The following PCDHGA1 variants were observed in gnomAD, a reference collection of about 807,000 sequenced individuals.
PCDHGA1 encodes protocadherin gamma-A1.
In PCDHGA1, 32 loss-of-function variants were observed where a neutral mutation model predicts 58.0. That is an observed-to-expected ratio of 0.55 (90% CI 0.42 to 0.74). The LOEUF (loss-of-function observed/expected upper bound fraction) is 0.74. Ranked by LOEUF, PCDHGA1 falls within the 30% of genes least tolerant of loss-of-function variation. The pLI, the probability that PCDHGA1 is intolerant of heterozygous loss-of-function variation, is 0.00. For missense variants in PCDHGA1, 1,205 were observed against 1,182.3 expected, an observed-to-expected ratio of 1.02 and a Z score of -0.28; for synonymous variants, 498 against 501.1, an observed-to-expected ratio of 0.99 and a Z score of 0.08.
intron 1 of PCDHGA1, chr5:141,382,985 G>C (rs769787880): frequency 1.2e-6 from 2 of 1,613,304 alleles, no homozygotes; most frequent in African/African-American, 2.7e-5. Context: ...GCCTGGGCAG[G>C]ACGTATTCTC....
intron 1 of PCDHGA1, chr5:141,411,432 AC>A (rs1483186233): frequency 6.6e-6 from 1 of 151,012 alleles, no homozygotes; most frequent in African/African-American, 2.4e-5. Context: ...ACAAAAAAAA[AC>A]ATTAGCAGAG....
chr5:141,469,711 T>C (rs894622720), intron 1 of PCDHGA1, among the ~76,000 whole-genome samples: 13 of 152,372 alleles, frequency 8.5e-5, no homozygotes, highest in African/African-American at 2.4e-4. Flanking sequence ...AATCACACTA[T>C]TAGGAATTTA....
At chr5:141,364,582 G>T (rs1379738059) in intron 1 of PCDHGA1, 1 of 1,614,088 alleles carries the variant, frequency 6.2e-7, no homozygotes, top group African/African-American at 1.3e-5. Flanking sequence ...GCGGCAGCTT[G>T]GTCACCGCGG....
chr5:141,360,540 G>A (rs1761641770), intron 1 of PCDHGA1: 1 of 1,613,928 alleles, frequency 6.2e-7, no homozygotes, highest in East Asian at 2.2e-5. Flanking sequence ...TATTCAAACA[G>A]ACTAAGATTA....
intron 1 of PCDHGA1, chr5:141,350,174 T>A: frequency 7.8e-7 from 1 of 1,283,836 alleles, no homozygotes; most frequent in East Asian, 2.6e-5. Context: ...TAATAAGTCC[T>A]AAGCTCAAAT....
At chr5:141,408,473 G>A (rs2095117243) in intron 1 of PCDHGA1, 5 of 1,613,952 alleles carry the variant, frequency 3.1e-6, no homozygotes, top group African/African-American at 1.3e-5. Flanking sequence ...GAACCGAATA[G>A]ACCGTGAGCA....
intron 1 of PCDHGA1, chr5:141,371,300 CA>C: frequency 6.2e-7 from 1 of 1,613,950 alleles, no homozygotes; most frequent in Non-Finnish European, 8.5e-7. Flanking sequence ...GGGAACTCAC[CA>C]CTATTGGAGA....
intron 1 of PCDHGA1, chr5:141,421,164 A>G (rs1304650780): frequency 1.6e-6 from 2 of 1,286,298 alleles, no homozygotes; most frequent in African/African-American, 1.5e-5. Flanking sequence ...GACTTCATAG[A>G]TACATAAGCC....
At position 141,487,635 on chromosome 5, in the gene PCDHGA1, A is replaced by C. The variant is rs1594699829; in HGVS notation, c.2422-7172A>C. 1.2e-6 allele frequency: 2 copies of C among 1,614,204 alleles called. No individual in the cohort carries two copies. Among genetic ancestry groups the C allele is most frequent in the Non-Finnish European group, 1.7e-6 (2 of 1,180,034 alleles). On this transcript the variant is annotated intron_variant, in intron 1 of 3. Transcript: ENST00000517417. The surrounding 1 kb of genome is among the most constrained non-coding windows in gnomAD (Gnocchi z 5.0). Reference sequence around the variant, plus strand: ...CTAGAGGTGAGACCTTTGCAGGCTCAACAAATGCTTGAGGGTTATTCTGAT... The same window carrying C: ...CTAGAGGTGAGACCTTTGCAGGCTCCACAAATGCTTGAGGGTTATTCTGAT...
At chr5:141,468,877 T>C (rs1321110515) in intron 1 of PCDHGA1, among the ~76,000 whole-genome samples, 2 of 149,546 alleles carry the variant, frequency 1.3e-5, no homozygotes, top group African/African-American at 4.9e-5. Context: ...AAAATAATAA[T>C]AATAATAATA....
chr5:141,370,608 A>G, intron 1 of PCDHGA1: 1 of 1,613,954 alleles, frequency 6.2e-7, no homozygotes, highest in Non-Finnish European at 8.5e-7. Context: ...TATTGCAGAG[A>G]AGAAATTCTT....
At chr5:141,464,407 A>G (rs996561936) in intron 1 of PCDHGA1, among the ~76,000 whole-genome samples, 1 of 151,544 alleles carries the variant, frequency 6.6e-6, no homozygotes, top group Non-Finnish European at 1.5e-5. Flanking sequence ...CCTGAGATAT[A>G]TATATATCTA....
At chr5:141,356,124 T>C (rs1402643730) in intron 1 of PCDHGA1, 3 of 1,613,758 alleles carry the variant, frequency 1.9e-6, no homozygotes, top group Non-Finnish European at 2.5e-6. Flanking sequence ...GGGGTCTAGA[T>C]TATGAGGACT....
intron 1 of PCDHGA1, chr5:141,350,436 T>C (rs762811863): frequency 2.3e-5 from 37 of 1,610,426 alleles, no homozygotes; most frequent in Non-Finnish European, 2.9e-5. Context: ...GTCCGGGAGT[T>C]GCCAACTCGA....
rs1468315559 is a variant in PCDHGA1 at position 141,493,636 on chromosome 5, G to A, written c.2422-1171G>A. 1.3e-5 allele frequency among the ~76,000 whole-genome samples: 2 copies of A among 152,130 alleles called. No individual in the cohort carries two copies. Among genetic ancestry groups the A allele is most frequent in the Non-Finnish European group, 2.9e-5 (2 of 68,040 alleles). The stretch of plus-strand genomic sequence containing the variant: ...TGTGTCTAAGAATACAGTGGCTGAG[G>A]GCTGGCCATCCCTGTGCCCTTCTCC... On this transcript the variant is annotated intron_variant, in intron 1 of 3. Transcript: ENST00000517417. The surrounding 1 kb of genome is among the most constrained non-coding windows in gnomAD (Gnocchi z 4.3).
intron 1 of PCDHGA1, among the ~76,000 whole-genome samples, chr5:141,438,976 C>T (rs2098079529): frequency 6.6e-6 from 1 of 151,928 alleles, no homozygotes; most frequent in Non-Finnish European, 1.5e-5. Context: ...AACTGTCTGA[C>T]TTATCTTAAA....
intron 2 of PCDHGA1, among the ~76,000 whole-genome samples, chr5:141,500,806 T>C (rs2099802700): frequency 6.6e-6 from 1 of 152,240 alleles, no homozygotes; most frequent in Non-Finnish European, 1.5e-5. Context: ...AGTCCTCATA[T>C]GAATATACAT....
In PCDHGA1 at chr5:141,486,565, T is replaced by C; in HGVS notation, c.2422-8242T>C. ...TTCAGAGGTCACATGAGGTGTTTGT[T>C]CCTGAGAACAATCGCCCAGGGGACC... On this transcript the variant is annotated intron_variant, in intron 1 of 3. Coordinates refer to ENST00000517417, the MANE Select transcript of PCDHGA1 (RefSeq NM_018912.3). The surrounding 1 kb of genome is among the most constrained non-coding windows in gnomAD (Gnocchi z 5.0). 6.2e-7 allele frequency: 1 copy of C among 1,614,024 alleles called. No homozygotes were observed. Among genetic ancestry groups the C allele is most frequent in the Non-Finnish European group, 8.5e-7 (1 of 1,180,032 alleles).
In PCDHGA1 at chr5:141,422,662, G is replaced by A. The variant is rs771844166; in HGVS notation, c.2422-72145G>A. On this transcript the variant is annotated intron_variant, in intron 1 of 3. Transcript: ENST00000517417. Reference sequence around the variant, plus strand: ...CTCCATCTTCTCAGTGACCGCCCTCGACCCGGACAGCAAACAGAATGCCCT... The same window carrying A: ...CTCCATCTTCTCAGTGACCGCCCTCAACCCGGACAGCAAACAGAATGCCCT... 4 of 1,608,410 alleles carry A rather than the reference G, an allele frequency of 2.5e-6. No individual in the cohort carries two copies. In the South Asian group the frequency reaches 3.3e-5, roughly 13 times the overall value.
Sources: allele counts gnomAD v4.1 joint callset (sites outside exome capture counted in the v4.1 genomes callset), GRCh38; gene constraint gnomAD v4.1.1; non-coding constraint Gnocchi (gnomAD v3.1); transcripts MANE v1.5; gene names NCBI Gene and HGNC (gene_info 2026-07-23, HGNC 2026-07-21).